The following NLGN1 variants were observed in gnomAD, a reference collection of about 807,000 sequenced individuals.
NLGN1 encodes neuroligin 1.
A neutral mutation model predicts 65.5 loss-of-function variants in NLGN1; 12 were observed. The observed-to-expected ratio is 0.18, with a 90% CI of 0.12 to 0.30. NLGN1 has a LOEUF of 0.30. Among genes scored for constraint, NLGN1 ranks in the 10% least tolerant of loss-of-function variants. NLGN1 has a pLI of 1.00. For synonymous variants in NLGN1, 350 were observed against 359.5 expected (o/e 0.97, Z 0.30); for missense variants, 750 against 1,007.1 (o/e 0.74, Z 3.46).
chr3:173,499,480 A>C lies in NLGN1; in HGVS notation c.-321+64402A>C, dbSNP rs188982655. On this transcript the variant is annotated intron_variant, in intron 2 of 6. Transcript: ENST00000457714. ...TAGCCTTGTAGTATAGTTTGAAGTC[A>C]GGTAGCGTGATGCCTCCAGCTTTGT... is the stretch of plus-strand genomic sequence containing the variant. 9.9e-5 allele frequency among the ~76,000 whole-genome samples: 15 copies of C among 151,966 alleles called. 1 individual carries two copies. Among genetic ancestry groups the C allele is most frequent in the African/African-American group, 3.2e-4 (13 of 41,246 alleles).
intron 2 of NLGN1, among the ~76,000 whole-genome samples, chr3:173,447,208 TA>T (rs1448458534): frequency 2.0e-5 from 3 of 152,274 alleles, no homozygotes; most frequent in African/African-American, 7.2e-5. Flanking sequence ...GTCTAACATT[TA>T]AGTCTTTAAT....
At chr3:174,231,260 C>A (rs1373842430) in intron 4 of NLGN1, among the ~76,000 whole-genome samples, 2 of 152,130 alleles carry the variant, frequency 1.3e-5, no homozygotes, top group Admixed American at 6.5e-5. Context: ...CGGAGAGTCC[C>A]AGAAGCACAG....
In NLGN1 at chr3:173,562,524, G is replaced by A. The variant is rs189823175; in HGVS notation, c.-320-41755G>A. Reference sequence around the variant, plus strand: ...AGAGGTTGCAGTGAGCCGAGATCTCGCCACTGCACTCCAGCCTGGTGACAG... The same window carrying A: ...AGAGGTTGCAGTGAGCCGAGATCTCACCACTGCACTCCAGCCTGGTGACAG... On this transcript the variant is annotated intron_variant, in intron 2 of 6. Coordinates refer to ENST00000457714, the Ensembl canonical transcript of NLGN1. 8.4e-3 allele frequency among the ~76,000 whole-genome samples: 1,268 copies of A among 151,100 alleles called. 8 individuals are homozygous for A. Among genetic ancestry groups the A allele is most frequent in the Middle Eastern group, 0.031 (9 of 294 alleles).
chr3:174,144,759 G>T (rs535739519), intron 4 of NLGN1, among the ~76,000 whole-genome samples: 6 of 151,570 alleles, frequency 4.0e-5, no homozygotes, highest in African/African-American at 1.4e-4. Context: ...TTTTTGATGG[G>T]GTCTTGTAAA....
chr3:173,922,749 C>T (rs761078385), intron 4 of NLGN1, among the ~76,000 whole-genome samples: 8 of 151,972 alleles, frequency 5.3e-5, no homozygotes, highest in African/African-American at 9.7e-5. Flanking sequence ...TGCCATGTGT[C>T]GTCTCTGGAA....
At chr3:173,927,793 AG>A (rs1260483253) in intron 4 of NLGN1, among the ~76,000 whole-genome samples, 2 of 152,100 alleles carry the variant, frequency 1.3e-5, no homozygotes, top group Non-Finnish European at 1.5e-5. Flanking sequence ...ATTCACAAAC[AG>A]GTATGCTGGT....
At chr3:174,025,696 T>C (rs1728695188) in intron 4 of NLGN1, among the ~76,000 whole-genome samples, 1 of 152,120 alleles carries the variant, frequency 6.6e-6, no homozygotes, top group South Asian at 2.1e-4. Context: ...ATTAGAAAGA[T>C]GAGTAATTAT....
At chr3:173,631,002 G>T (rs1755599950) in intron 3 of NLGN1, among the ~76,000 whole-genome samples, 1 of 152,130 alleles carries the variant, frequency 6.6e-6, no homozygotes, top group Non-Finnish European at 1.5e-5. Context: ...AGAGCGAGAA[G>T]GCAAGTTGCC....
At chr3:173,485,744 C>A (rs932708302) in intron 2 of NLGN1, among the ~76,000 whole-genome samples, 1 of 152,122 alleles carries the variant, frequency 6.6e-6, no homozygotes, top group Non-Finnish European at 1.5e-5. Flanking sequence ...TAAAATGCAA[C>A]TGATTTTTAT....
At chr3:174,233,753 T>C (rs954828196) in intron 4 of NLGN1, among the ~76,000 whole-genome samples, 1 of 152,064 alleles carries the variant, frequency 6.6e-6, no homozygotes, top group Non-Finnish European at 1.5e-5. Context: ...GGTCAAAGAA[T>C]TGACTTAAAG....
intron 4 of NLGN1, among the ~76,000 whole-genome samples, chr3:173,917,030 G>A (rs1043448389): frequency 6.6e-6 from 1 of 152,116 alleles, no homozygotes; most frequent in Admixed American, 6.6e-5. Flanking sequence ...TCAATCAAGT[G>A]AGAATAACAT....
intron 1 of NLGN1, among the ~76,000 whole-genome samples, chr3:173,400,454 T>G (rs984310082): frequency 1.3e-5 from 2 of 152,112 alleles, no homozygotes; most frequent in African/African-American, 4.8e-5. Flanking sequence ...TTCACAAGAC[T>G]CTTAATTACT....
intron 4 of NLGN1, among the ~76,000 whole-genome samples, chr3:173,961,355 G>T (rs1033749597): frequency 6.6e-6 from 1 of 152,012 alleles, no homozygotes; most frequent in African/African-American, 2.4e-5. Context: ...ATCTAGCAGA[G>T]CTTGGTTTTG....
chr3:174,029,645 G>T (rs1729534879), intron 4 of NLGN1, among the ~76,000 whole-genome samples: 2 of 152,130 alleles, frequency 1.3e-5, no homozygotes. Context: ...GTCAGGGGTG[G>T]AATGATATGG....
rs563370719 is a variant in NLGN1, at chr3:173,442,835, C to G, written c.-321+7757C>G. Among the ~76,000 whole-genome samples the G allele has an allele frequency of 3.0e-4, 46 of 152,156 alleles. 1 individual carries two copies. Among genetic ancestry groups the G allele is most frequent in the African/African-American group, 7.9e-4 (33 of 41,534 alleles). ...AGTAATAAATCTTTCAAAATTTATA[C>G]TTCTGCCTGATTAATTATAGTATGA... On this transcript the variant is annotated intron_variant, in intron 2 of 6. Coordinates refer to ENST00000457714, the Ensembl canonical transcript of NLGN1.
chr3:174,002,221 C>T (rs765569093), intron 4 of NLGN1, among the ~76,000 whole-genome samples: 33 of 152,034 alleles, frequency 2.2e-4, no homozygotes, highest in South Asian at 2.1e-4. Context: ...TCCGCCTCCT[C>T]GGTTCAAGTG....
chr3:174,031,099 T>C (rs1729941654), intron 4 of NLGN1, among the ~76,000 whole-genome samples: 1 of 152,188 alleles, frequency 6.6e-6, no homozygotes, highest in Non-Finnish European at 1.5e-5. Flanking sequence ...GCCAAGTTTA[T>C]ACCCTTCAGA....
chr3:173,632,029 G>A (rs561540646), intron 3 of NLGN1, among the ~76,000 whole-genome samples: 33 of 152,050 alleles, frequency 2.2e-4, no homozygotes, highest in South Asian at 4.2e-4. Context: ...AAATGCTGCC[G>A]TAACTTTAAA....
intron 3 of NLGN1, among the ~76,000 whole-genome samples, chr3:173,746,261 C>T (rs917714107): frequency 1.3e-5 from 2 of 151,806 alleles, no homozygotes; most frequent in Non-Finnish European, 1.5e-5. Flanking sequence ...GACCCTATCT[C>T]AAAACAAAAA....
Sources: gnomAD v4.1 joint callset for allele counts (sites outside exome capture counted in the v4.1 genomes callset) on GRCh38, gnomAD v4.1.1 for gene constraint, MANE v1.5 for transcripts, NCBI Gene and HGNC (gene_info 2026-07-23, HGNC 2026-07-21) for gene names.